Variants in ASIC2 observed in about 807,000 individuals in gnomAD.
The protein encoded by ASIC2 is acid-sensing ion channel 2.
A neutral mutation model predicts 57.3 loss-of-function variants in ASIC2; 25 were observed. That is an observed-to-expected ratio of 0.44 (90% CI 0.32 to 0.61). The LOEUF (loss-of-function observed/expected upper bound fraction) is 0.61. Ranked by LOEUF, ASIC2 falls within the 20% of genes least tolerant of loss-of-function variation. The pLI, the probability that ASIC2 is intolerant of heterozygous loss-of-function variation, is 0.06. For synonymous variants in ASIC2, 319 were observed against 307.5 expected, an observed-to-expected ratio of 1.04 and a Z score of -0.39; for missense variants, 641 against 738.1, an observed-to-expected ratio of 0.87 and a Z score of 1.52.
chr17:33,604,528 G>T (rs957096238), intron 1 of ASIC2, among the ~76,000 whole-genome samples: 6 of 152,188 alleles, frequency 3.9e-5, no homozygotes, highest in Admixed American at 3.9e-4. Flanking sequence ...CAGTTGTGGA[G>T]CACAGGGATG....
In ASIC2 at chr17:33,302,239, C is replaced by A. The variant is rs138563071; in HGVS notation, c.556-190172G>T. Among the ~76,000 whole-genome samples, 128 of 152,318 alleles carry A rather than the reference C, an allele frequency of 8.4e-4. 2 individuals carry two copies. The highest frequency in any genetic ancestry group is 3.1e-3 in the African/African-American group (127 of 41,564). On this transcript the variant is annotated intron_variant, in intron 1 of 9. Transcript: ENST00000359872. Reference sequence around the variant, plus strand: ...CCAATTTGCTGTCCCATACACATAACAAAACTCTCGTTAAAATAGTTAAGC... The same window carrying A: ...CCAATTTGCTGTCCCATACACATAAAAAAACTCTCGTTAAAATAGTTAAGC...
chr17:33,957,848 C>A (rs973886942), intron 1 of ASIC2, among the ~76,000 whole-genome samples: 2 of 152,190 alleles, frequency 1.3e-5, no homozygotes, highest in African/African-American at 4.8e-5. Flanking sequence ...AGTCCACAGT[C>A]CAAAGTCTCA....
chr17:33,683,981 A>G (rs1908097232), intron 1 of ASIC2, among the ~76,000 whole-genome samples: 1 of 152,212 alleles, frequency 6.6e-6, no homozygotes, highest in South Asian at 2.1e-4. Context: ...AGGGGGAGGA[A>G]TACGATTTAA....
At position 34,030,665 on chromosome 17, in the gene ASIC2, C is replaced by T. The variant is rs191449904; in HGVS notation, c.555+125313G>A. 6.5e-4 allele frequency among the ~76,000 whole-genome samples: 99 copies of T among 152,304 alleles called. No individual in the cohort carries two copies. The East Asian group carries it at 7.7e-3, about 12-fold the overall frequency. On this transcript the variant is annotated intron_variant, in intron 1 of 9. Coordinates refer to the ASIC2 transcript ENST00000359872. ...TCGGGTCACTCCCACCCTAATACTG[C>T]GCTTTTCCAATGGGCTTAAACAACG... is the stretch of plus-strand genomic sequence containing the variant.
At chr17:34,108,168 A>G (rs1911131901) in intron 1 of ASIC2, among the ~76,000 whole-genome samples, 1 of 151,944 alleles carries the variant, frequency 6.6e-6, no homozygotes, top group South Asian at 2.1e-4. Context: ...ACTACATAAT[A>G]CTCCATTGAG....
chr17:33,457,966 A>G (rs974997040), intron 1 of ASIC2, among the ~76,000 whole-genome samples: 1 of 152,160 alleles, frequency 6.6e-6, no homozygotes, highest in Non-Finnish European at 1.5e-5. Flanking sequence ...TCCAGTTACA[A>G]TGGAGGAAAT....
At position 33,291,802 on chromosome 17, in the gene ASIC2, G is replaced by A; in HGVS notation, c.314C>T (p.Ser105Leu). The change falls in exon 1 of 10, where the codon TCG becomes TTG. Residue 105 changes from serine to leucine, a missense_variant. Coordinates refer to ENST00000225823, the MANE Select transcript of ASIC2 (RefSeq NM_183377.2). ...GCTGAGCCAGTAGAGCAAGCGGTTC[G>A]AGGACCAGGACAGCAGCAAGCCGAA... Reference protein sequence around the residue: ...TSFGLLLSWSSNRLLYWLSFP... With the variant: ...TSFGLLLSWSLNRLLYWLSFP... 6.2e-7 allele frequency: 1 copy of A among 1,613,490 alleles called. No individual in the cohort carries two copies. Among genetic ancestry groups the A allele is most frequent in the Non-Finnish European group, 8.5e-7 (1 of 1,179,868 alleles).
At chr17:33,894,231 T>G (rs1186825401) in intron 1 of ASIC2, among the ~76,000 whole-genome samples, 1 of 152,146 alleles carries the variant, frequency 6.6e-6, no homozygotes, top group Non-Finnish European at 1.5e-5. Flanking sequence ...AGCTTCTGGG[T>G]GCAAACCCAG....
chr17:34,027,831 G>A (rs1210754176), intron 1 of ASIC2, among the ~76,000 whole-genome samples: 1 of 152,174 alleles, frequency 6.6e-6, no homozygotes, highest in Non-Finnish European at 1.5e-5. Flanking sequence ...CTAGAACGGT[G>A]CTTTATTCCT....
At chr17:33,082,863 T>A (rs1285026463) in intron 3 of ASIC2, among the ~76,000 whole-genome samples, 1 of 152,198 alleles carries the variant, frequency 6.6e-6, no homozygotes, top group African/African-American at 2.4e-5. Flanking sequence ...TACTCACTCA[T>A]TTAATTTTCC....
chr17:33,650,883 T>C (rs1425289168), intron 1 of ASIC2, among the ~76,000 whole-genome samples: 16 of 152,138 alleles, frequency 1.1e-4, no homozygotes, highest in Non-Finnish European at 1.2e-4. Context: ...GAAGGATCCT[T>C]GTGGTGATAG....
chr17:33,671,023 A>T (rs1190527239), intron 1 of ASIC2, among the ~76,000 whole-genome samples: 5 of 152,222 alleles, frequency 3.3e-5, no homozygotes, highest in African/African-American at 1.2e-4. Context: ...CCCATGGGAC[A>T]AAAATTCAGA....
At chr17:33,861,828 C>T (rs1914109387) in intron 1 of ASIC2, among the ~76,000 whole-genome samples, 1 of 152,174 alleles carries the variant, frequency 6.6e-6, no homozygotes, top group Non-Finnish European at 1.5e-5. Context: ...GATGCAATAT[C>T]CCTGCACAGA....
intron 1 of ASIC2, among the ~76,000 whole-genome samples, chr17:33,888,008 A>C (rs1357209296): frequency 6.6e-6 from 1 of 152,186 alleles, no homozygotes; most frequent in African/African-American, 2.4e-5. Flanking sequence ...ACCATTGTAA[A>C]GTGAAAAAAT....
At chr17:33,306,925 A>AG (rs1355189414) in intron 1 of ASIC2, among the ~76,000 whole-genome samples, 6 of 152,264 alleles carry the variant, frequency 3.9e-5, no homozygotes, top group Middle Eastern at 3.4e-3. Context: ...CAGGAGCCCC[A>AG]GGGACTACTC....
chr17:33,395,463 C>G (rs1299807351), intron 1 of ASIC2, among the ~76,000 whole-genome samples: 2 of 152,138 alleles, frequency 1.3e-5, no homozygotes, highest in Non-Finnish European at 2.9e-5. Context: ...TTTTGTGAGA[C>G]TTACTCATTA....
intron 3 of ASIC2, among the ~76,000 whole-genome samples, chr17:33,084,057 C>T (rs2141960961): frequency 6.6e-6 from 1 of 152,216 alleles, no homozygotes; most frequent in African/African-American, 2.4e-5. Context: ...TCATAATTTA[C>T]CTTATAAGCA....
At chr17:33,400,428 G>A (rs1910241132) in intron 1 of ASIC2, among the ~76,000 whole-genome samples, 1 of 152,202 alleles carries the variant, frequency 6.6e-6, no homozygotes, top group Non-Finnish European at 1.5e-5. Flanking sequence ...TGAGTTTGAG[G>A]GGAAGGAGCT....
rs576657997 is a variant in ASIC2, at chr17:33,214,114, G to A, written c.708+77294C>T. Among the ~76,000 whole-genome samples the A allele has an allele frequency of 7.2e-5, 11 of 152,284 alleles. No homozygotes were observed. In the East Asian group the frequency reaches 1.5e-3, roughly 21 times the overall value. On this transcript the variant is annotated intron_variant, in intron 1 of 9. Coordinates refer to ENST00000225823, the MANE Select transcript of ASIC2 (RefSeq NM_183377.2). Reference sequence around the variant, plus strand: ...GGGTAGCATGGCATGCACAATGACTGGGACCTAAATGGCAAAAAGCCTGCT... The same window carrying A: ...GGGTAGCATGGCATGCACAATGACTAGGACCTAAATGGCAAAAAGCCTGCT...
Sources: allele counts gnomAD v4.1 joint callset (sites outside exome capture counted in the v4.1 genomes callset), GRCh38; gene constraint gnomAD v4.1.1; transcripts MANE v1.5; gene names NCBI Gene and HGNC (gene_info 2026-07-23, HGNC 2026-07-21).